The following GPHN variants were observed in gnomAD, a reference collection of about 807,000 sequenced individuals.
The protein encoded by GPHN is gephyrin.
Under a neutral mutation model 95.5 loss-of-function variants are expected in GPHN, and 17 were observed. The observed-to-expected ratio is 0.18, with a 90% CI of 0.12 to 0.27. The LOEUF is 0.27. Ranked by LOEUF, GPHN falls within the 10% of genes least tolerant of loss-of-function variation. The pLI is 1.00. For missense variants in GPHN, 660 were observed against 978.1 expected, an observed-to-expected ratio of 0.67 and a Z score of 4.34; for synonymous variants, 320 against 322.5, an observed-to-expected ratio of 0.99 and a Z score of 0.08.
At chr14:67,600,271 C>A in the GPHN span, 2 of 1,315,024 alleles carry the variant, frequency 1.5e-6, no homozygotes. Context: ...GCCGTCTCGC[C>A]CGCTCCAGAC....
intron 10 of GPHN, among the ~76,000 whole-genome samples, chr14:67,049,454 G>T (rs1383911995): frequency 6.6e-6 from 1 of 150,618 alleles, no homozygotes; most frequent in Admixed American, 6.6e-5. Flanking sequence ...GTTTTCTAAT[G>T]GCCCAAGACA....
the GPHN span, among the ~76,000 whole-genome samples, chr14:67,346,624 G>C: frequency 6.6e-6 from 1 of 151,928 alleles, no homozygotes; most frequent in Non-Finnish European, 1.5e-5. Flanking sequence ...CAAGAATATT[G>C]TTTCTATGAA....
intron 2 of GPHN, among the ~76,000 whole-genome samples, chr14:66,688,983 C>T (rs2067592592): frequency 6.6e-6 from 1 of 152,034 alleles, no homozygotes; most frequent in Non-Finnish European, 1.5e-5. Context: ...TTGATGGGTG[C>T]AGCAAACCAA....
At chr14:66,990,232 G>A (rs2071319818) in intron 9 of GPHN, among the ~76,000 whole-genome samples, 1 of 152,114 alleles carries the variant, frequency 6.6e-6, no homozygotes, top group Admixed American at 6.6e-5. Context: ...CCACCTCCAT[G>A]ATCCTATCAC....
chr14:67,651,943 GTATA>G, the GPHN span, among the ~76,000 whole-genome samples: 1 of 152,168 alleles, frequency 6.6e-6, no homozygotes, highest in East Asian at 1.9e-4. Context: ...TATAAAGGTA[GTATA>G]GGAGCTTAAA....
the GPHN span, among the ~76,000 whole-genome samples, chr14:67,368,049 C>G: frequency 2.6e-5 from 4 of 152,106 alleles, no homozygotes; most frequent in Admixed American, 6.6e-5. Flanking sequence ...TGAAAGAAAA[C>G]TTTTACTACT....
intron 5 of GPHN, among the ~76,000 whole-genome samples, chr14:66,901,478 C>T (rs144197782): frequency 1.3e-3 from 201 of 152,006 alleles, no homozygotes; most frequent in Non-Finnish European, 1.8e-3. Context: ...GGAGCATTTC[C>T]TCAGTGTTTT....
chr14:67,338,581 G>A, the GPHN span: 1 of 1,583,580 alleles, frequency 6.3e-7, no homozygotes, highest in Non-Finnish European at 8.6e-7. Context: ...TTAAAATGAA[G>A]CCAGTGTTAG....
chr14:67,638,660 G>GA, the GPHN span, among the ~76,000 whole-genome samples: 1 of 152,106 alleles, frequency 6.6e-6, no homozygotes, highest in Admixed American at 6.5e-5. Flanking sequence ...GGGGAAAAAA[G>GA]AAAAAACAGA....
chr14:66,670,348 A>G (rs1566792439), intron 1 of GPHN, among the ~76,000 whole-genome samples: 1 of 152,234 alleles, frequency 6.6e-6, no homozygotes, highest in Non-Finnish European at 1.5e-5. Context: ...CACCAGAAAT[A>G]TAAAGCAGTG....
chr14:66,661,275 C>G (rs7149778), intron 1 of GPHN, among the ~76,000 whole-genome samples: 47,859 of 152,038 alleles, frequency 0.31, 11,529 homozygotes, highest in African/African-American at 0.65. Flanking sequence ...GAGTTGCTGG[C>G]GGGAGGGGCA....
the GPHN span, among the ~76,000 whole-genome samples, chr14:67,219,835 C>T: frequency 6.6e-6 from 1 of 152,074 alleles, no homozygotes; most frequent in Non-Finnish European, 1.5e-5. Flanking sequence ...TGAAGAAAAA[C>T]AAAACAAAAC....
At chr14:66,520,062 A>T (rs942891114) in intron 1 of GPHN, among the ~76,000 whole-genome samples, 1 of 152,154 alleles carries the variant, frequency 6.6e-6, no homozygotes. Context: ...GTTCATATAC[A>T]TATTTCACTT....
chr14:67,733,790 A>C, the GPHN span: 2 of 1,613,498 alleles, frequency 1.2e-6, no homozygotes, highest in Admixed American at 1.7e-5. Context: ...CGAAATAACA[A>C]AACAGCTGAG....
intron 2 of GPHN, among the ~76,000 whole-genome samples, chr14:66,761,624 A>G (rs2058757356): frequency 6.7e-6 from 1 of 148,784 alleles, no homozygotes; most frequent in African/African-American, 2.5e-5. Context: ...GTGACACTAC[A>G]CTCTAGAATT....
chr14:67,089,125 C>CTTTTTTTTTTTTT (rs1264164364), intron 12 of GPHN, 50 bp downstream of exon 12: 15 of 329,560 alleles, frequency 4.6e-5, no homozygotes, highest in South Asian at 1.2e-4. Flanking sequence ...ATTTTTTTTT[C>CTTTTTTTTTTTTT]TTTTTTTCTT....
At chr14:67,637,994 A>G in the GPHN span, among the ~76,000 whole-genome samples, 79 of 152,226 alleles carry the variant, frequency 5.2e-4, no homozygotes, top group Non-Finnish European at 4.7e-4. Flanking sequence ...CGCTGCCTTG[A>G]ACCTGGGGAG....
At chr14:67,623,805 G>A in the GPHN span, among the ~76,000 whole-genome samples, 1 of 152,042 alleles carries the variant, frequency 6.6e-6, no homozygotes, top group African/African-American at 2.4e-5. Context: ...GCCTCCCAAA[G>A]TGCTGGGATT....
intron 18 of GPHN, among the ~76,000 whole-genome samples, chr14:67,157,197 T>C (rs2081648307): frequency 6.6e-6 from 1 of 152,144 alleles, no homozygotes; most frequent in African/African-American, 2.4e-5. Context: ...TCTTTTTCTT[T>C]TCTTATAATA....
Sources: gnomAD v4.1 joint callset for allele counts (sites outside exome capture counted in the v4.1 genomes callset) on GRCh38, gnomAD v4.1.1 for gene constraint, MANE v1.5 for transcripts, NCBI Gene and HGNC (gene_info 2026-07-23, HGNC 2026-07-21) for gene names.